The following WDR49 variants were observed in gnomAD, a reference collection of about 807,000 sequenced individuals.
WDR49 encodes WD repeat domain 49, also known as cilia- and flagella-associated protein 337.
In WDR49, 107 loss-of-function variants were observed where a neutral mutation model predicts 119.5. The ratio of observed to expected loss-of-function variants is 0.90; its 90% CI spans 0.77 to 1.05. The LOEUF (loss-of-function observed/expected upper bound fraction) is 1.05, where lower values mean the gene tolerates loss of function less well. Ranked by LOEUF, WDR49 falls within the 50% of genes least tolerant of loss-of-function variation. The pLI, the probability that WDR49 is intolerant of heterozygous loss-of-function variation, is 0.00. For synonymous variants in WDR49, 425 were observed against 418.8 expected (o/e 1.01, Z -0.18); for missense variants, 1,240 against 1,220.5 (o/e 1.02, Z -0.24).
intron 7 of WDR49, among the ~76,000 whole-genome samples, chr3:167,595,395 G>C (rs1002370977): frequency 6.6e-6 from 1 of 152,110 alleles, no homozygotes; most frequent in Non-Finnish European, 1.5e-5. Context: ...AACCAAAAAA[G>C]AGCCCGCATT....
Position 167,527,825 on chromosome 3 carries a change from C to T in WDR49, c.2599G>A (p.Gly867Ser), listed in dbSNP as rs1272160845. The change falls in exon 15 of 19, where the codon GGT becomes AGT. Residue 867 changes from glycine (G) to serine (S), a missense_variant. Transcript: ENST00000682715. Reference protein sequence around the residue: ...GVCNAPVWIFGQAKHWHIENC... With the variant: ...GVCNAPVWIFSQAKHWHIENC... ...TAAAGAAGCAATATTTCTACCTGAC[C>T]AAAGATCCAAACAGGAGCATTGCAG... 1 of 1,611,868 alleles carries T rather than the reference C, an allele frequency of 6.2e-7. No homozygotes were observed.
rs760553360 is a variant in WDR49, at chr3:167,627,213, G to A, written c.245C>T (p.Thr82Met). Reference protein sequence around the residue: ...QKMTEIVGWGTKEEYGELFDK... With the variant: ...QKMTEIVGWGMKEEYGELFDK... Reference sequence around the variant, plus strand: ...AAAGAGCTCCCCATATTCTTCCTTCGTGCCCCAACCAACAATCTCTGTCAT... The same window carrying A: ...AAAGAGCTCCCCATATTCTTCCTTCATGCCCCAACCAACAATCTCTGTCAT... The change falls in exon 3 of 19, where the codon ACG becomes ATG. Residue 82 changes from threonine to methionine, a missense_variant. Physicochemically the swap from Thr to Met is moderately conservative, Grantham distance 81. Coordinates refer to ENST00000682715, the MANE Select transcript of WDR49 (RefSeq NM_001366157.1). 2.0e-5 allele frequency: 25 copies of A among 1,251,676 alleles called. No individual in the cohort carries two copies. Among genetic ancestry groups the A allele is most frequent in the Non-Finnish European group, 2.2e-5 (22 of 998,602 alleles). 77.5% of individuals were successfully genotyped at this position (1,251,676 alleles called of 1,614,324 possible).
chr3:167,517,203 G>A (rs1004397499), intron 16 of WDR49, among the ~76,000 whole-genome samples: 3 of 152,058 alleles, frequency 2.0e-5, no homozygotes, highest in East Asian at 1.9e-4. Context: ...AAAAGAGCCT[G>A]TATAGCCAAA....
chr3:167,578,153 A>G (rs1714345112), intron 7 of WDR49, among the ~76,000 whole-genome samples: 1 of 152,064 alleles, frequency 6.6e-6, no homozygotes, highest in Admixed American at 6.6e-5. Context: ...CCATTTCAAT[A>G]TCAGTTTTCA....
At chr3:167,558,708 G>C (rs536938959) in intron 9 of WDR49, among the ~76,000 whole-genome samples, 2 of 152,104 alleles carry the variant, frequency 1.3e-5, no homozygotes, top group South Asian at 4.2e-4. Context: ...ATGTCCCCAG[G>C]TCCGACTAAG....
intron 10 of WDR49, among the ~76,000 whole-genome samples, chr3:167,546,623 G>A (rs548418875): frequency 1.2e-3 from 183 of 149,364 alleles, no homozygotes; most frequent in Non-Finnish European, 2.2e-3. Context: ...AATGAATCAC[G>A]TCTCTAATTT....
intron 2 of WDR49, 91 bp from the exon 3 acceptor site, chr3:167,627,383 T>A (rs1433496224): frequency 8.8e-7 from 1 of 1,131,414 alleles, no homozygotes; most frequent in Non-Finnish European, 1.1e-6. Context: ...GTGAATTTAA[T>A]CAGCAATTCT....
intron 8 of WDR49, among the ~76,000 whole-genome samples, chr3:167,565,397 AC>A (rs1713536623): frequency 2.1e-5 from 3 of 141,432 alleles, no homozygotes; most frequent in African/African-American, 5.4e-5. Flanking sequence ...ACACACACAC[AC>A]ACACACACAC....
chr3:167,579,863 C>T (rs1714446383), intron 7 of WDR49, among the ~76,000 whole-genome samples: 1 of 152,024 alleles, frequency 6.6e-6, no homozygotes, highest in Non-Finnish European at 1.5e-5. Flanking sequence ...ATTCAAAATC[C>T]TGTCTTGTTT....
chr3:167,512,072 G>T (rs536060336), intron 16 of WDR49, among the ~76,000 whole-genome samples: 1 of 152,132 alleles, frequency 6.6e-6, no homozygotes, highest in Admixed American at 6.5e-5. Flanking sequence ...TGGAATTCCC[G>T]CCAGGGCAGC....
At chr3:167,623,577 A>C (rs888075108) in intron 3 of WDR49, among the ~76,000 whole-genome samples, 1 of 151,860 alleles carries the variant, frequency 6.6e-6, no homozygotes, top group Non-Finnish European at 1.5e-5. Flanking sequence ...AACAACAAAA[A>C]TCCTACAGCT....
At chr3:167,520,104 C>T (rs1225097351) in intron 16 of WDR49, among the ~76,000 whole-genome samples, 2 of 146,336 alleles carry the variant, frequency 1.4e-5, no homozygotes, top group African/African-American at 5.1e-5. Flanking sequence ...TGTGTGCAAA[C>T]TGGGTGTGGT....
intron 16 of WDR49, among the ~76,000 whole-genome samples, chr3:167,516,896 A>G (rs1026529982): frequency 6.6e-6 from 1 of 152,212 alleles, no homozygotes; most frequent in Non-Finnish European, 1.5e-5. Flanking sequence ...CCCATCAAAA[A>G]GTGGGCAAAG....
At chr3:167,497,993 T>C (rs1275197925) in intron 18 of WDR49, among the ~76,000 whole-genome samples, 2 of 151,136 alleles carry the variant, frequency 1.3e-5, no homozygotes, top group African/African-American at 4.9e-5. Flanking sequence ...AGGCACGTGC[T>C]ACCATGCCTG....
intron 7 of WDR49, among the ~76,000 whole-genome samples, chr3:167,591,834 T>G (rs1395852827): frequency 6.6e-6 from 1 of 152,130 alleles, no homozygotes; most frequent in African/African-American, 2.4e-5. Flanking sequence ...GTCTTGTTTT[T>G]TTTTATCCAA....
chr3:167,493,804 G>A (rs1258821440), intron 18 of WDR49, among the ~76,000 whole-genome samples: 1 of 152,084 alleles, frequency 6.6e-6, no homozygotes, highest in Non-Finnish European at 1.5e-5. Context: ...TCTCAGAAAG[G>A]TGTCAGCTTT....
At position 167,602,293 on chromosome 3, in the gene WDR49, G is replaced by A. The variant is rs1560307907; in HGVS notation, c.1127-18C>T. The A allele has an allele frequency of 5.8e-6, 9 of 1,540,470 alleles. No individual in the cohort carries two copies. The highest frequency in any genetic ancestry group is 3.8e-5 in the Admixed American group (2 of 52,542). On this transcript the variant is annotated intron_variant, in intron 6 of 18. Coordinates refer to ENST00000682715, the MANE Select transcript of WDR49 (RefSeq NM_001366157.1). ...AGCAGTTGCTAATCAGAATTAGAAA[G>A]AAAAAAAATGTTTTTAATAGCATGA...
chr3:167,552,303 G>A (rs559045846), intron 10 of WDR49, among the ~76,000 whole-genome samples: 1 of 152,208 alleles, frequency 6.6e-6, no homozygotes, highest in East Asian at 1.9e-4. Flanking sequence ...GCTAAAGTGA[G>A]CAGAATCTAT....
At chr3:167,628,816 C>T (rs189245651) in intron 2 of WDR49, among the ~76,000 whole-genome samples, 176 of 152,232 alleles carry the variant, frequency 1.2e-3, no homozygotes, top group African/African-American at 4.1e-3. Flanking sequence ...CCATTTAGGA[C>T]TTTCGTAGCT....
Sources: allele counts gnomAD v4.1 joint callset (sites outside exome capture counted in the v4.1 genomes callset), GRCh38; gene constraint gnomAD v4.1.1; transcripts MANE v1.5; gene names NCBI Gene and HGNC (gene_info 2026-07-23, HGNC 2026-07-21).